The following MESP1 variants were observed in gnomAD, a reference collection of about 807,000 sequenced individuals.
The protein encoded by MESP1 is mesoderm posterior bHLH transcription factor 1.
A neutral mutation model predicts 15.2 loss-of-function variants in MESP1; 22 were observed. The observed-to-expected ratio is 1.45, with a 90% CI of 1.04 to 2.07. The LOEUF (loss-of-function observed/expected upper bound fraction) is 2.07, where lower values mean the gene tolerates loss of function less well. MESP1 is among the 30% of genes most tolerant of loss of function. MESP1 has a pLI of 0.00. For synonymous variants in MESP1, 216 were observed against 192.6 expected, an observed-to-expected ratio of 1.12 and a Z score of -1.01; for missense variants, 484 against 411.9, an observed-to-expected ratio of 1.17 and a Z score of -1.51.
the MESP1 span, among the ~76,000 whole-genome samples, chr15:89,737,072 T>G: frequency 1.3e-5 from 2 of 152,202 alleles, no homozygotes; most frequent in Admixed American, 6.5e-5. Context: ...ATTACAGGCA[T>G]GAGCCATCGC....
At chr15:89,740,344 C>T in the MESP1 span, among the ~76,000 whole-genome samples, 1 of 152,114 alleles carries the variant, frequency 6.6e-6, no homozygotes, top group Non-Finnish European at 1.5e-5. Flanking sequence ...TCGGTACCTC[C>T]CGGAGGGAAA....
chr15:89,750,973 C>T lies in MESP1; in HGVS notation c.259G>A (p.Ala87Thr), dbSNP rs1381802738. Residue 87 changes from alanine to threonine, a missense_variant, in exon 1 of 2, where the codon GCC (alanine) becomes ACC (threonine). Transcript: ENST00000300057. ...ATGCGCAGTTTCTCCCGCTCACTGG[C>T]GCTCTGCCTCTGCCCGCTGCCCAGG... Reference protein sequence around the residue: ...SRLGSGQRQSASEREKLRMRT... With the variant: ...SRLGSGQRQSTSEREKLRMRT... 3.5e-6 allele frequency: 5 copies of T among 1,433,392 alleles called. No individual in the cohort carries two copies. In the East Asian group the frequency reaches 9.1e-5, roughly 26 times the overall value. The allele number at this position is 1,433,392 out of a possible 1,614,324, so 88.8% of individuals were successfully genotyped here.
downstream of MESP1, chr15:89,748,739 A>G (rs983040433): frequency 2.6e-5 from 4 of 152,244 alleles, no homozygotes; most frequent in African/African-American, 9.6e-5. Context: ...AGTGAGTGCC[A>G]GGGACTGGGA....
Position 89,750,992 on chromosome 15 carries a change from G to C in MESP1, c.240C>G (p.Gly80=). Residue 80 remains glycine, a synonymous_variant, in exon 1 of 2, where the codon GGC becomes GGG. Transcript: ENST00000300057. ...CACTGGCGCTCTGCCTCTGCCCGCTGCCCAGGCGGCTGCTGCGCGCGCCGC... is the reference window on the plus strand; with the variant it reads ...CACTGGCGCTCTGCCTCTGCCCGCTCCCCAGGCGGCTGCTGCGCGCGCCGC... ...GRRGARSSRL[G]SGQRQSASER... is the part of the protein sequence containing the mutation. 2 of 1,390,452 alleles carry C rather than the reference G, an allele frequency of 1.4e-6. No homozygotes were observed. Among genetic ancestry groups the C allele is most frequent in the African/African-American group, 1.5e-5 (1 of 66,338 alleles). The allele number at this position is 1,390,452 out of a possible 1,614,324, so 86.1% of individuals were successfully genotyped here.
chr15:89,743,319 G>A, the MESP1 span: 19 of 1,614,106 alleles, frequency 1.2e-5, no homozygotes, highest in Non-Finnish European at 1.6e-5. Flanking sequence ...AGAACCCAGA[G>A]AAGGAGGAGG....
chr15:89,732,911 C>A, the MESP1 span: 1 of 1,185,846 alleles, frequency 8.4e-7, no homozygotes, highest in Non-Finnish European at 1.2e-6. Flanking sequence ...TCACATCCTA[C>A]AAGTCCCTCA....
the MESP1 span, among the ~76,000 whole-genome samples, chr15:89,733,744 G>A: frequency 3.3e-5 from 5 of 152,172 alleles, no homozygotes; most frequent in Non-Finnish European, 7.3e-5. Flanking sequence ...CTCACTAGCT[G>A]TGGACCCTTG....
chr15:89,743,320 A>G, the MESP1 span: 3 of 1,614,164 alleles, frequency 1.9e-6, no homozygotes, highest in East Asian at 4.5e-5. Context: ...GAACCCAGAG[A>G]AGGAGGAGGA....
At chr15:89,745,535 G>T (rs574137754), downstream of MESP1, among the ~76,000 whole-genome samples, 1 of 152,128 alleles carries the variant, frequency 6.6e-6, no homozygotes, top group Non-Finnish European at 1.5e-5. This position sits in a 1 kb window ranked among gnomAD's most constrained non-coding sequence, Gnocchi z 4.8. Context: ...AGGCTGAGGC[G>T]GGCGGATCAT....
the MESP1 span, chr15:89,737,850 G>A: frequency 7.0e-7 from 1 of 1,434,178 alleles, no homozygotes; most frequent in Admixed American, 2.1e-5. Context: ...ATAGGCCAAA[G>A]GGTACCGCAG....
chr15:89,738,664 AG>A, the MESP1 span, among the ~76,000 whole-genome samples: 2 of 151,398 alleles, frequency 1.3e-5, no homozygotes, highest in African/African-American at 4.9e-5. Flanking sequence ...CCCTAAGTGA[AG>A]GGTTCTACCC....
At chr15:89,734,680 C>T in the MESP1 span, among the ~76,000 whole-genome samples, 2 of 152,096 alleles carry the variant, frequency 1.3e-5, no homozygotes, top group East Asian at 3.9e-4. Context: ...CCTTTGCTTT[C>T]CCTTAAGAAT....
downstream of MESP1, among the ~76,000 whole-genome samples, chr15:89,747,301 C>G (rs888403341): frequency 6.6e-6 from 1 of 152,200 alleles, no homozygotes; most frequent in Non-Finnish European, 1.5e-5. Flanking sequence ...AGAGTGCAAA[C>G]CTACCCACCT....
chr15:89,739,920 C>T, the MESP1 span, among the ~76,000 whole-genome samples: 3 of 152,120 alleles, frequency 2.0e-5, no homozygotes, highest in Non-Finnish European at 4.4e-5. Flanking sequence ...TTGAAGTAGA[C>T]TGGTTAAGAT....
At chr15:89,733,294 A>C in the MESP1 span, 4 of 1,411,686 alleles carry the variant, frequency 2.8e-6, no homozygotes. Flanking sequence ...GTAAAATCTG[A>C]CAGCCTCTCT....
the MESP1 span, among the ~76,000 whole-genome samples, chr15:89,740,507 G>GT: frequency 1.3e-5 from 2 of 151,832 alleles, no homozygotes; most frequent in African/African-American, 4.8e-5. Flanking sequence ...TTTTGTTTTT[G>GT]TTTTTGTTTT....
At chr15:89,741,758 A>C in the MESP1 span, among the ~76,000 whole-genome samples, 5 of 150,610 alleles carry the variant, frequency 3.3e-5, no homozygotes, top group African/African-American at 1.2e-4. Context: ...TATCTCCAAT[A>C]CTTTTTTTTT....
downstream of MESP1, among the ~76,000 whole-genome samples, chr15:89,746,124 CTCCACACAGCA>C (rs527452838): frequency 0.029 from 4,303 of 147,314 alleles, 108 homozygotes; most frequent in African/African-American, 0.061. Flanking sequence ...GCATCCACAC[CTCCACACAGCA>C]TCCACACAGC....
the MESP1 span, among the ~76,000 whole-genome samples, chr15:89,742,146 G>A: frequency 6.6e-5 from 10 of 152,182 alleles, no homozygotes; most frequent in African/African-American, 1.9e-4. Flanking sequence ...CCAGCAGTTT[G>A]GGAGACAGAG....
Sources: allele counts gnomAD v4.1 joint callset (sites outside exome capture counted in the v4.1 genomes callset), GRCh38; gene constraint gnomAD v4.1.1; non-coding constraint Gnocchi (gnomAD v3.1); transcripts MANE v1.5; gene names NCBI Gene and HGNC (gene_info 2026-07-23, HGNC 2026-07-21).